Variants in FRMPD4 observed in about 807,000 individuals in gnomAD.
FRMPD4 encodes FERM and PDZ domain containing 4.
In FRMPD4, 22 loss-of-function variants were observed where a neutral mutation model predicts 94.1. That is an observed-to-expected ratio of 0.23 (90% CI 0.17 to 0.33). FRMPD4 has a LOEUF of 0.33. Ranked by LOEUF, FRMPD4 falls within the 10% of genes least tolerant of loss-of-function variation. FRMPD4 has a pLI of 1.00. For missense variants in FRMPD4, 1,111 were observed against 1,339.9 expected, an observed-to-expected ratio of 0.83 and a Z score of 2.67; for synonymous variants, 631 against 548.6, an observed-to-expected ratio of 1.15 and a Z score of -2.10.
chrX:12,132,239 G>GAAA (rs35315847), intron 3 of FRMPD4, among the ~76,000 whole-genome samples: 10 of 103,606 alleles, frequency 9.7e-5, no homozygotes, highest in Non-Finnish European at 2.0e-4. Flanking sequence ...GTTTAGGAGG[G>GAAA]AAAAAAAAAA....
At chrX:12,260,149 A>T (rs1285790328) in intron 1 of FRMPD4, among the ~76,000 whole-genome samples, 2 of 111,129 alleles carry the variant, frequency 1.8e-5, no homozygotes, top group Admixed American at 9.6e-5. Context: ...CTTAGTCAAC[A>T]TGCATTCCCT....
At chrX:12,686,412 C>G (rs1391620206) in intron 7 of FRMPD4, among the ~76,000 whole-genome samples, 1 of 112,248 alleles carries the variant, frequency 8.9e-6, no homozygotes, top group African/African-American at 3.2e-5. Context: ...TTTTATTTCT[C>G]TTGGTGTTGC....
chrX:12,624,891 C>T (rs2059330903), intron 4 of FRMPD4, among the ~76,000 whole-genome samples: 1 of 108,381 alleles, frequency 9.2e-6, no homozygotes, highest in Non-Finnish European at 1.9e-5. Context: ...ATTCATCTGA[C>T]AAGGGATTAA....
rs150842503 is a variant in FRMPD4 at position 12,684,357 on chromosome X, A to G, written c.573+770A>G. On this transcript the variant is annotated intron_variant, in intron 6 of 16. Coordinates refer to ENST00000675598, the MANE Select transcript of FRMPD4 (RefSeq NM_001368397.1). ...AATCCACGAGGATAAAATCTCACCT[A>G]TGATATATTCATTATTGATCACAAA... Among the ~76,000 whole-genome samples the G allele has an allele frequency of 5.1e-3, 573 of 112,271 alleles. 5 individuals are homozygous for G. Among genetic ancestry groups the G allele is most frequent in the African/African-American group, 0.017 (525 of 30,904 alleles).
At chrX:11,941,251 C>T (rs2054158209) in intron 3 of FRMPD4, among the ~76,000 whole-genome samples, 1 of 52,077 alleles carries the variant, frequency 1.9e-5, no homozygotes, top group South Asian at 1.3e-3. Context: ...CCGTCTTCTG[C>T]GTCGCTCACG....
chrX:11,986,629 T>A (rs1283556380), intron 3 of FRMPD4, among the ~76,000 whole-genome samples: 1 of 110,567 alleles, frequency 9.0e-6, no homozygotes, highest in Non-Finnish European at 1.9e-5. Context: ...ACCAACAAAA[T>A]GAAAAATTGG....
chrX:12,299,392 T>C (rs4830771), intron 1 of FRMPD4, among the ~76,000 whole-genome samples: 11,188 of 110,389 alleles, frequency 0.1, 459 homozygotes, highest in Admixed American at 0.17. Context: ...AAATTTCTGA[T>C]GTTTATGGCT....
chrX:12,561,076 C>T (rs4830785), intron 2 of FRMPD4, among the ~76,000 whole-genome samples: 1,470 of 110,404 alleles, frequency 0.013, 9 homozygotes, highest in Non-Finnish European at 0.021. Context: ...GCCCCCTCAT[C>T]TTTTTTGACA....
chrX:11,891,438 C>G (rs1347847332), intron 3 of FRMPD4, among the ~76,000 whole-genome samples: 1 of 112,463 alleles, frequency 8.9e-6, no homozygotes, highest in African/African-American at 3.2e-5. Context: ...CACTCCTCTT[C>G]CTAGACCCAG....
chrX:11,927,004 A>G (rs1169091218), intron 3 of FRMPD4, among the ~76,000 whole-genome samples: 8 of 111,477 alleles, frequency 7.2e-5, no homozygotes, highest in Non-Finnish European at 1.1e-4. Context: ...AAAACCCCAT[A>G]GTCTCAGCCC....
intron 2 of FRMPD4, among the ~76,000 whole-genome samples, chrX:11,876,487 A>G (rs1486194489): frequency 9.0e-6 from 1 of 111,400 alleles, no homozygotes; most frequent in African/African-American, 3.3e-5. Flanking sequence ...TCAAAGATCA[A>G]CTAGGCATAG....
chrX:12,515,815 A>C (rs1036453317), intron 2 of FRMPD4, among the ~76,000 whole-genome samples: 1 of 111,367 alleles, frequency 9.0e-6, no homozygotes, highest in African/African-American at 3.3e-5. Flanking sequence ...TCCCACTATT[A>C]TTGTGTGGCA....
At chrX:11,849,906 A>G (rs1322014175) in intron 1 of FRMPD4, among the ~76,000 whole-genome samples, 1 of 111,795 alleles carries the variant, frequency 8.9e-6, no homozygotes, top group African/African-American at 3.2e-5. Flanking sequence ...AGCATAGGCA[A>G]CAAAATAAAA....
chrX:11,910,086 T>A (rs2147336022), intron 3 of FRMPD4, among the ~76,000 whole-genome samples: 1 of 112,014 alleles, frequency 8.9e-6, no homozygotes, highest in Non-Finnish European at 1.9e-5. Flanking sequence ...CATGTTATTA[T>A]CAACTTCTGA....
intron 16 of FRMPD4, among the ~76,000 whole-genome samples, chrX:12,720,015 G>A (rs113708363): frequency 4.7e-3 from 194 of 41,182 alleles, no homozygotes; most frequent in Middle Eastern, 0.013. Flanking sequence ...GAAAGGAAAG[G>A]AAAGGAAAGG....
intron 2 of FRMPD4, among the ~76,000 whole-genome samples, chrX:12,524,662 C>T (rs1276694067): frequency 5.4e-5 from 6 of 111,428 alleles, no homozygotes; most frequent in African/African-American, 2.0e-4. Context: ...CTACCTGTCG[C>T]TCTGAAATAT....
At chrX:12,460,706 A>G (rs1275234574) in intron 1 of FRMPD4, among the ~76,000 whole-genome samples, 1 of 111,858 alleles carries the variant, frequency 8.9e-6, no homozygotes. Context: ...TATACAAATA[A>G]TATGTTGGGG....
chrX:11,998,193 A>G (rs6639120), intron 3 of FRMPD4, among the ~76,000 whole-genome samples: 9,806 of 111,373 alleles, frequency 0.088, 364 homozygotes, highest in East Asian at 0.24. Context: ...GCCGCAATCA[A>G]TGTTACTTAT....
intron 3 of FRMPD4, among the ~76,000 whole-genome samples, chrX:12,055,379 TAGTG>T (rs1367937204): frequency 1.8e-5 from 2 of 111,373 alleles, no homozygotes; most frequent in East Asian, 5.7e-4. Flanking sequence ...TTTCTTGTGA[TAGTG>T]AGTGAATTCT....
Sources: allele counts gnomAD v4.1 joint callset (sites outside exome capture counted in the v4.1 genomes callset), GRCh38; gene constraint gnomAD v4.1.1; transcripts MANE v1.5; gene names NCBI Gene and HGNC (gene_info 2026-07-23, HGNC 2026-07-21).